The following GPR107 variants were observed in gnomAD, a reference collection of about 807,000 sequenced individuals.
GPR107 encodes the protein G protein-coupled receptor 107.
In GPR107, 31 loss-of-function variants were observed where a neutral mutation model predicts 75.5. The ratio of observed to expected loss-of-function variants is 0.41; its 90% CI spans 0.31 to 0.55. The LOEUF (loss-of-function observed/expected upper bound fraction) is 0.55. Ranked by LOEUF, GPR107 falls within the 20% of genes least tolerant of loss-of-function variation. The probability of loss-of-function intolerance (pLI) is 0.26; values close to 1 mark genes in which losing one functional copy is unlikely to be tolerated. For synonymous variants in GPR107, 267 were observed against 251.3 expected, an observed-to-expected ratio of 1.06 and a Z score of -0.59; for missense variants, 572 against 665.7, an observed-to-expected ratio of 0.86 and a Z score of 1.55.
chr9:130,109,648 C>A (rs1277674389), intron 14 of GPR107, among the ~76,000 whole-genome samples: 1 of 150,320 alleles, frequency 6.7e-6, no homozygotes, highest in Non-Finnish European at 1.5e-5. Flanking sequence ...CAGCTCACTG[C>A]TACCTCTGCC....
intron 14 of GPR107, among the ~76,000 whole-genome samples, chr9:130,121,903 T>C (rs909483751): frequency 6.6e-6 from 1 of 152,010 alleles, no homozygotes; most frequent in African/African-American, 2.4e-5. Context: ...ATTTTCTTTT[T>C]TTTTTGAGGT....
chr9:130,054,532 G>C (rs997184575), intron 1 of GPR107, among the ~76,000 whole-genome samples: 77 of 152,134 alleles, frequency 5.1e-4, no homozygotes, highest in Non-Finnish European at 8.8e-4. Flanking sequence ...TTCGGTTTAG[G>C]GCGCTCTCTG....
At chr9:130,107,680 T>C in intron 14 of GPR107, 141 bp downstream of exon 14, 1 of 716,542 alleles carries the variant, frequency 1.4e-6, no homozygotes, top group South Asian at 1.5e-5. Context: ...TGGGGCCCAC[T>C]TCGTGAGAGC....
chr9:130,127,600 T>C, intron 16 of GPR107, 34 bp downstream of exon 16: 2 of 1,144,008 alleles, frequency 1.7e-6, no homozygotes, highest in Non-Finnish European at 2.7e-6. Flanking sequence ...GCCAGAGAAT[T>C]TATGCCTGAG....
Position 130,127,120 on chromosome 9 carries a change from G to A in GPR107, c.1357-363G>A, listed in dbSNP as rs778215687. On this transcript the variant is annotated intron_variant, in intron 15 of 17. Coordinates refer to ENST00000347136, the MANE Select transcript of GPR107 (RefSeq NM_020960.5). ...TGGCTTTATTTTGCTATTACTACTG[G>A]TAAATATTCCTCAAAGCCTGAGCAT... 7.2e-4 allele frequency among the ~76,000 whole-genome samples: 110 copies of A among 152,310 alleles called. 1 individual carries two copies. The highest frequency in any genetic ancestry group is 1.2e-3 in the Non-Finnish European group (80 of 68,026).
chr9:130,057,350 A>G (rs1829818028), intron 1 of GPR107, among the ~76,000 whole-genome samples: 1 of 152,038 alleles, frequency 6.6e-6, no homozygotes, highest in Non-Finnish European at 1.5e-5. Context: ...TCTCAACAAC[A>G]GCAACAAAAA....
intron 1 of GPR107, among the ~76,000 whole-genome samples, chr9:130,063,363 T>C (rs1829978780): frequency 6.6e-6 from 1 of 152,160 alleles, no homozygotes; most frequent in South Asian, 2.1e-4. Flanking sequence ...GCAAATTTTT[T>C]GTATTTTTAG....
chr9:130,076,804 G>A (rs562920767), intron 3 of GPR107, among the ~76,000 whole-genome samples: 2 of 151,560 alleles, frequency 1.3e-5, no homozygotes, highest in African/African-American at 2.4e-5. Context: ...TGAGCACCAC[G>A]CCTGGCCACA....
In GPR107 at chr9:130,135,431, G is replaced by A. The variant is rs182984721; in HGVS notation, c.*310G>A. ...GGTTTCTTTTTTTCTTCTTCATTTC[G>A]GAGCTCTAAGGTGTATGCAGTTGTG... On this transcript the variant is annotated 3_prime_UTR_variant, in exon 18 of 18. Coordinates refer to ENST00000347136, the MANE Select transcript of GPR107 (RefSeq NM_020960.5). 52 of 277,376 alleles carry A rather than the reference G, an allele frequency of 1.9e-4. No homozygotes were observed. Among genetic ancestry groups the A allele is most frequent in the African/African-American group, 9.0e-4 (40 of 44,200 alleles). The allele number at this position is 277,376 out of a possible 1,614,324, so 17.2% of individuals were successfully genotyped here. A position where few individuals can be genotyped will look rare whatever the true frequency, so the allele number is the denominator to read the frequency against.
At chr9:130,095,264 C>T (rs1239716447) in intron 9 of GPR107, among the ~76,000 whole-genome samples, 1 of 152,104 alleles carries the variant, frequency 6.6e-6, no homozygotes, top group African/African-American at 2.4e-5. Context: ...AATCAGGGCG[C>T]AATCCAAACA....
In GPR107 at chr9:130,138,850, G is replaced by A. The variant is rs781893418; in HGVS notation, c.*3729G>A. 2 of 152,196 alleles carry A rather than the reference G, an allele frequency of 1.3e-5. No homozygotes were observed. The highest frequency in any genetic ancestry group is 1.9e-4 in the East Asian group (1 of 5,180). The allele number at this position is 152,196 out of a possible 1,614,324, so 9.4% of individuals were successfully genotyped here. On this transcript the variant is annotated 3_prime_UTR_variant, in exon 18 of 18. Transcript: ENST00000347136. ...TCCTTACAGACCAAGGAAGAGCATA[G>A]CGATGCCTGTTGGAATTGCAGATGC...
At position 130,128,652 on chromosome 9, in the gene GPR107, A is replaced by G; in HGVS notation, c.1453A>G (p.Thr485Ala). 6.2e-7 allele frequency: 1 copy of G among 1,612,026 alleles called. No homozygotes were observed. The highest frequency in any genetic ancestry group is 8.5e-7 in the Non-Finnish European group (1 of 1,178,082). Residue 485 changes from threonine (T) to alanine (A), a missense_variant, in exon 17 of 18, where the codon ACG (threonine) becomes GCG (alanine). Coordinates refer to ENST00000347136, the MANE Select transcript of GPR107 (RefSeq NM_020960.5). Reference sequence around the variant, plus strand: ...TTTAAACTTGCAGCTCCTGGATGAAACGGCCACACTGGTCTTCTTTGTTCT... The same window carrying G: ...TTTAAACTTGCAGCTCCTGGATGAAGCGGCCACACTGGTCTTCTTTGTTCT... Reference protein sequence around the residue: ...WKWLYQLLDETATLVFFVLTG... With the variant: ...WKWLYQLLDEAATLVFFVLTG...
chr9:130,108,726 G>A (rs967411878), intron 14 of GPR107: 56 of 455,832 alleles, frequency 1.2e-4, no homozygotes, highest in African/African-American at 1.0e-3. Flanking sequence ...TCTAGTCCTG[G>A]GAATAGCCCT....
Position 130,079,901 on chromosome 9 carries a change from A to AT in GPR107, c.526+133dup, listed in dbSNP as rs150383586. ...ATTATATTTTGGAAGTTACACAAAAATACGTAAATGTTAAAGAAAAATGTG... is the reference window on the plus strand; with the variant it reads ...ATTATATTTTGGAAGTTACACAAAAATTACGTAAATGTTAAAGAAAAATGTG... On this transcript the variant is annotated intron_variant, in intron 5 of 17. Transcript: ENST00000347136. 7.3e-3 allele frequency: 3,779 copies of AT among 519,542 alleles called. 111 individuals are homozygous for AT. The highest frequency in any genetic ancestry group is 0.066 in the African/African-American group (3,397 of 51,312). 32.2% of individuals were successfully genotyped at this position (519,542 alleles called of 1,614,324 possible).
chr9:130,090,816 G>GA (rs1249398422), intron 7 of GPR107, 60 bp from the exon 8 acceptor site: 3 of 622,902 alleles, frequency 4.8e-6, no homozygotes, highest in Admixed American at 3.2e-5. Flanking sequence ...AAAAATAAAA[G>GA]AAAAAATATA....
At chr9:130,062,416 A>AAATAATAAT (rs1468386427) in intron 1 of GPR107, among the ~76,000 whole-genome samples, 1 of 77,036 alleles carries the variant, frequency 1.3e-5, no homozygotes, top group Non-Finnish European at 2.6e-5. Flanking sequence ...CCTGTCTCGA[A>AAATAATAAT]AATGATAATA....
chr9:130,090,767 G>A (rs936288054), intron 7 of GPR107, 109 bp from the exon 8 acceptor site: 2 of 533,048 alleles, frequency 3.8e-6, no homozygotes, highest in East Asian at 3.2e-5. Context: ...ATATAGCTGA[G>A]TAGAATTTGA....
chr9:130,068,379 G>A (rs905182046), intron 1 of GPR107, among the ~76,000 whole-genome samples: 1 of 151,826 alleles, frequency 6.6e-6, no homozygotes, highest in Non-Finnish European at 1.5e-5. Context: ...AATAAGAGAA[G>A]CTGGAAATTC....
chr9:130,098,463 G>A (rs142588658), intron 9 of GPR107, among the ~76,000 whole-genome samples: 78 of 152,226 alleles, frequency 5.1e-4, no homozygotes, highest in South Asian at 3.3e-3. Context: ...ATTTGTAATC[G>A]CTTTCTGCTT....
Sources: gnomAD v4.1 joint callset for allele counts (sites outside exome capture counted in the v4.1 genomes callset) on GRCh38, gnomAD v4.1.1 for gene constraint, MANE v1.5 for transcripts, NCBI Gene and HGNC (gene_info 2026-07-23, HGNC 2026-07-21) for gene names.